Variants in ITGA1 observed in about 807,000 individuals in gnomAD.
ITGA1 encodes the protein integrin subunit alpha 1, also known as integrin alpha-1.
A neutral mutation model predicts 145.9 loss-of-function variants in ITGA1; 85 were observed. The observed-to-expected ratio is 0.58, with a 90% CI of 0.49 to 0.70. The LOEUF (loss-of-function observed/expected upper bound fraction) is 0.70, where lower values mean the gene tolerates loss of function less well. Among genes scored for constraint, ITGA1 ranks in the 30% least tolerant of loss-of-function variants. ITGA1 has a pLI of 0.00. For synonymous variants in ITGA1, 520 were observed against 495.3 expected (o/e 1.05, Z -0.66); for missense variants, 1,351 against 1,418.7 (o/e 0.95, Z 0.77).
At position 52,897,465 on chromosome 5, in the gene ITGA1, C is replaced by T; in HGVS notation, c.1101C>T (p.Asp367=). 1 of 1,611,136 alleles carries T rather than the reference C, an allele frequency of 6.2e-7. No homozygotes were observed. The highest frequency in any genetic ancestry group is 8.5e-7 in the Non-Finnish European group (1 of 1,177,628). ...ERIFALEATA[D]QSAASFEMEM... The stretch of plus-strand genomic sequence containing the variant: ...TTTCCTATGTTATAGCCACAGCTGA[C>T]CAGTCAGCAGCTTCATTTGAAATGG... The change falls in exon 10 of 29, where the codon GAC becomes GAT. Residue 367 remains aspartate, a synonymous_variant. Transcript: ENST00000282588.
At position 52,873,699 on chromosome 5, in the gene ITGA1, A is replaced by G. The variant is rs183452124; in HGVS notation, c.624+7882A>G. 6.6e-5 allele frequency among the ~76,000 whole-genome samples: 10 copies of G among 152,312 alleles called. No individual in the cohort carries two copies. The East Asian group carries it at 1.9e-3, about 29-fold the overall frequency. On this transcript the variant is annotated intron_variant, in intron 6 of 28. Coordinates refer to ENST00000282588, the MANE Select transcript of ITGA1 (RefSeq NM_181501.2). ...ATGTTGTAGGGTAGGGCTTTGTACC[A>G]TAGTTTGATAAAAGGAAATATACAT...
chr5:52,940,629 G>A (rs373349337), intron 26 of ITGA1, among the ~76,000 whole-genome samples: 1 of 152,022 alleles, frequency 6.6e-6, no homozygotes, highest in East Asian at 1.9e-4. Context: ...CCCTTATAAA[G>A]CCAAATCTGT....
At position 52,939,832 on chromosome 5, in the gene ITGA1, T is replaced by G. The variant is rs769395154; in HGVS notation, c.3181-8T>G. On this transcript the variant is annotated splice_polypyrimidine_tract_variant and splice_region_variant and intron_variant, in intron 25 of 28. Transcript: ENST00000282588. ...AATACTGATATGTATCTCTGGACAT[T>G]TAAACAGGACTGCAATACATGTAAA... 6.3e-7 allele frequency: 1 copy of G among 1,576,062 alleles called. No individual in the cohort carries two copies. The highest frequency in any genetic ancestry group is 1.7e-5 in the Admixed American group (1 of 59,974).
At chr5:52,846,116 G>C (rs563847923) in intron 1 of ITGA1, among the ~76,000 whole-genome samples, 5 of 152,120 alleles carry the variant, frequency 3.3e-5, no homozygotes, top group African/African-American at 1.2e-4. Context: ...GAAGCACAAT[G>C]GCGGCCGGGC....
intron 1 of ITGA1, among the ~76,000 whole-genome samples, chr5:52,848,792 T>C (rs1749378562): frequency 2.0e-5 from 3 of 149,760 alleles, no homozygotes; most frequent in East Asian, 4.0e-4. Context: ...GTGTTCTCAT[T>C]GTTCAATTCC....
chr5:52,903,595 T>A (rs1046274199), intron 11 of ITGA1: 1 of 152,214 alleles, frequency 6.6e-6, no homozygotes, highest in African/African-American at 2.4e-5. Flanking sequence ...TTTTTAACAT[T>A]TTTGAAAGAA....
chr5:52,863,379 T>G (rs1749636924), intron 3 of ITGA1, among the ~76,000 whole-genome samples: 1 of 151,858 alleles, frequency 6.6e-6, no homozygotes. Context: ...GCAGCTGCTG[T>G]CATTGCCCTC....
At chr5:52,887,111 C>T (rs928027667) in intron 7 of ITGA1, among the ~76,000 whole-genome samples, 1 of 152,162 alleles carries the variant, frequency 6.6e-6, no homozygotes, top group African/African-American at 2.4e-5. Flanking sequence ...TCCCATCCTG[C>T]TCTCAGCAGC....
At chr5:52,897,952 G>T (rs1023899993) in intron 10 of ITGA1, among the ~76,000 whole-genome samples, 6 of 152,110 alleles carry the variant, frequency 3.9e-5, no homozygotes, top group Non-Finnish European at 8.8e-5. Flanking sequence ...TATATCATTT[G>T]CAGTTAATGA....
At chr5:52,864,423 T>C (rs1749652452) in intron 3 of ITGA1, among the ~76,000 whole-genome samples, 1 of 152,218 alleles carries the variant, frequency 6.6e-6, no homozygotes, top group Admixed American at 6.5e-5. Flanking sequence ...ATAACAAAGT[T>C]ATAAGATTAC....
At chr5:52,868,656 G>A (rs887760226) in intron 6 of ITGA1, among the ~76,000 whole-genome samples, 1 of 152,120 alleles carries the variant, frequency 6.6e-6, no homozygotes, top group African/African-American at 2.4e-5. Flanking sequence ...CAGTGAATGG[G>A]AGGAAAATGA....
At chr5:52,806,496 C>T (rs1748590484) in intron 1 of ITGA1, among the ~76,000 whole-genome samples, 1 of 151,914 alleles carries the variant, frequency 6.6e-6, no homozygotes, top group African/African-American at 2.4e-5. Context: ...AAATACCATT[C>T]AAAAACATTG....
Position 52,947,371 on chromosome 5 carries a change from G to A in ITGA1, c.3405G>A (p.Gly1135=). The A allele has an allele frequency of 1.2e-6, 2 of 1,612,560 alleles. No homozygotes were observed. The highest frequency in any genetic ancestry group is 1.7e-6 in the Non-Finnish European group (2 of 1,178,796). ...RELAIQISKD[G]LPGRVPLWVI... ...TTGCTATTCAAATATCCAAAGATGG[G>A]CTACCGGGCAGAGTGCCATTATGGG... is the stretch of plus-strand genomic sequence containing the variant. Residue 1135 remains glycine, a synonymous_variant, in exon 28 of 29, where the codon GGG becomes GGA. Transcript: ENST00000282588.
intron 1 of ITGA1, among the ~76,000 whole-genome samples, chr5:52,796,071 TA>T (rs1005679723): frequency 2.6e-5 from 4 of 152,024 alleles, no homozygotes; most frequent in African/African-American, 9.7e-5. Flanking sequence ...TTTAAACACT[TA>T]AAAAATATTA....
At chr5:52,886,810 G>T (rs921303334) in intron 7 of ITGA1, among the ~76,000 whole-genome samples, 3 of 152,088 alleles carry the variant, frequency 2.0e-5, no homozygotes, top group African/African-American at 4.8e-5. Flanking sequence ...AAGGTGTCTC[G>T]CTCTGTCGCC....
At chr5:52,933,482 A>G (rs1561253527) in intron 22 of ITGA1, 1 of 152,156 alleles carries the variant, frequency 6.6e-6, no homozygotes, top group Non-Finnish European at 1.5e-5. Flanking sequence ...GAGAAGATTG[A>G]ACTTTTAAGT....
In ITGA1 at chr5:52,788,374, C is replaced by G. The variant is rs1238986677; in HGVS notation, c.21C>G (p.Ala7=). 3 of 1,512,726 alleles carry G rather than the reference C, an allele frequency of 2.0e-6. No individual in the cohort carries two copies. Among genetic ancestry groups the G allele is most frequent in the African/African-American group, 1.4e-5 (1 of 69,542 alleles). The allele number at this position is 1,512,726 out of a possible 1,614,324, so 93.7% of individuals were successfully genotyped here. A position where few individuals can be genotyped will look rare whatever the true frequency, so the allele number is the denominator to read the frequency against. Residue 7 remains alanine (A), a synonymous_variant, in exon 1 of 29, where the codon GCC becomes GCG. Coordinates refer to ENST00000282588, the MANE Select transcript of ITGA1 (RefSeq NM_181501.2). ...CGGCCATGGCCCCTCGGCCCCGCGC[C>G]CGCCCAGGGGTCGCTGTCGCCTGCT... MAPRPR[A]RPGVAVACCW... is the part of the protein sequence containing the mutation.
chr5:52,816,817 C>T (rs1213600053), intron 1 of ITGA1, among the ~76,000 whole-genome samples: 3 of 152,164 alleles, frequency 2.0e-5, no homozygotes, highest in Non-Finnish European at 4.4e-5. Flanking sequence ...GTATATTCCC[C>T]TCCAGGCCTT....
rs186453539 is a variant in ITGA1, at chr5:52,954,902, A to T, written c.*2451A>T. 5.9e-5 allele frequency: 9 copies of T among 152,328 alleles called. No homozygotes were observed. Among genetic ancestry groups the T allele is most frequent in the African/African-American group, 1.9e-4 (8 of 41,590 alleles). 9.4% of individuals were successfully genotyped at this position (152,328 alleles called of 1,614,324 possible). ...AAAACAGCTTTGTACAAATGTTATA[A>T]AACATATTTAATGATTAAGAAATGT... On this transcript the variant is annotated 3_prime_UTR_variant, in exon 29 of 29. Transcript: ENST00000282588.
Sources: gnomAD v4.1 joint callset for allele counts (sites outside exome capture counted in the v4.1 genomes callset) on GRCh38, gnomAD v4.1.1 for gene constraint, MANE v1.5 for transcripts, NCBI Gene and HGNC (gene_info 2026-07-23, HGNC 2026-07-21) for gene names.